Variants in CERT1 observed in about 807,000 individuals in gnomAD.
CERT1 encodes the protein ceramide transporter 1, also known as ceramide transfer protein.
A neutral mutation model predicts 87.9 loss-of-function variants in CERT1; 31 were observed. That is an observed-to-expected ratio of 0.35 (90% CI 0.27 to 0.48). The LOEUF (loss-of-function observed/expected upper bound fraction) is 0.48. CERT1 is among the 20% of genes least tolerant of loss of function. CERT1 has a pLI of 0.99. For synonymous variants in CERT1, 289 were observed against 250.9 expected, an observed-to-expected ratio of 1.15 and a Z score of -1.44; for missense variants, 487 against 758.0, an observed-to-expected ratio of 0.64 and a Z score of 4.20.
At chr5:75,449,780 T>C (rs940782087) in intron 3 of CERT1, among the ~76,000 whole-genome samples, 4 of 152,250 alleles carry the variant, frequency 2.6e-5, no homozygotes, top group Non-Finnish European at 5.9e-5. Flanking sequence ...ATTTTTCTGA[T>C]GATTAATAGC....
intron 2 of CERT1, among the ~76,000 whole-genome samples, chr5:75,480,148 C>A (rs937510622): frequency 6.6e-6 from 1 of 152,168 alleles, no homozygotes; most frequent in Non-Finnish European, 1.5e-5. Context: ...TGAGGGACCA[C>A]TATCTATGTC....
chr5:75,396,689 A>G (rs935001920), intron 11 of CERT1, among the ~76,000 whole-genome samples: 1 of 147,302 alleles, frequency 6.8e-6, no homozygotes, highest in African/African-American at 2.6e-5. Flanking sequence ...AGATCGTACC[A>G]TTGCACTCCA....
At chr5:75,482,106 T>C (rs1366194689) in intron 2 of CERT1, among the ~76,000 whole-genome samples, 1 of 152,208 alleles carries the variant, frequency 6.6e-6, no homozygotes, top group African/African-American at 2.4e-5. Flanking sequence ...AGATGGGCTC[T>C]TGGGGTCCCA....
intron 14 of CERT1, among the ~76,000 whole-genome samples, chr5:75,384,108 T>A (rs1198971568): frequency 6.6e-6 from 1 of 152,202 alleles, no homozygotes; most frequent in African/African-American, 2.4e-5. Flanking sequence ...TTACCCTTAT[T>A]GTTGTTGTCA....
intron 8 of CERT1, among the ~76,000 whole-genome samples, chr5:75,405,957 T>C (rs1405852376): frequency 6.6e-6 from 1 of 151,880 alleles, no homozygotes; most frequent in African/African-American, 2.4e-5. Context: ...TGCCTCTCTA[T>C]TCCTCCTGCT....
intron 11 of CERT1, 54 bp from the exon 12 acceptor site, chr5:75,389,741 A>G: frequency 7.4e-7 from 1 of 1,358,416 alleles, no homozygotes; most frequent in Non-Finnish European, 1.1e-6. Flanking sequence ...CATAATCTCT[A>G]AAACAGAATG....
chr5:75,419,475 T>A (rs1246801887), intron 5 of CERT1, 51 bp from the exon 6 acceptor site: 2 of 1,228,976 alleles, frequency 1.6e-6, no homozygotes. Context: ...TAGAAATTAA[T>A]GTCTATTCTT....
chr5:75,408,333 CATAT>C (rs1209784045), intron 8 of CERT1, among the ~76,000 whole-genome samples: 4 of 152,158 alleles, frequency 2.6e-5, no homozygotes, highest in Non-Finnish European at 1.5e-5. Flanking sequence ...TACAGGTAGA[CATAT>C]AGCTTAGAAG....
At chr5:75,423,550 G>A (rs1261079059) in intron 5 of CERT1, among the ~76,000 whole-genome samples, 3 of 152,114 alleles carry the variant, frequency 2.0e-5, no homozygotes, top group African/African-American at 7.2e-5. Context: ...AGACCAGCCT[G>A]GGCCACATAG....
At chr5:75,411,608 G>A (rs1371376876) in intron 7 of CERT1, among the ~76,000 whole-genome samples, 2 of 151,968 alleles carry the variant, frequency 1.3e-5, no homozygotes, top group African/African-American at 4.8e-5. Context: ...CACTGCACCC[G>A]GCCACAACCT....
intron 1 of CERT1, among the ~76,000 whole-genome samples, chr5:75,509,725 A>C (rs1177656516): frequency 6.6e-6 from 1 of 152,190 alleles, no homozygotes; most frequent in Non-Finnish European, 1.5e-5. Flanking sequence ...TCAGCTTCCC[A>C]TCTTATGAGC....
At chr5:75,449,551 A>T (rs576485313) in intron 3 of CERT1, among the ~76,000 whole-genome samples, 52 of 152,208 alleles carry the variant, frequency 3.4e-4, no homozygotes, top group Non-Finnish European at 6.2e-4. Flanking sequence ...GAGAGCTTCA[A>T]ATTTTCAATA....
downstream of CERT1, chr5:75,374,495 CA>C: frequency 2.8e-6 from 2 of 721,698 alleles, no homozygotes; most frequent in Non-Finnish European, 5.1e-6. Flanking sequence ...ATGGTTGTGC[CA>C]AAAAGGGCCA....
intron 11 of CERT1, among the ~76,000 whole-genome samples, chr5:75,396,400 C>T (rs1314634476): frequency 3.3e-5 from 5 of 152,102 alleles, no homozygotes; most frequent in Non-Finnish European, 7.4e-5. Flanking sequence ...CCATATCAAG[C>T]GCTGTGGAGT....
intron 8 of CERT1, among the ~76,000 whole-genome samples, chr5:75,405,602 A>G (rs978746410): frequency 1.1e-4 from 17 of 152,058 alleles, no homozygotes; most frequent in East Asian, 1.9e-4. Flanking sequence ...CCCTCATTCA[A>G]TCATCACACC....
At chr5:75,372,884 G>C (rs1761133854), downstream of CERT1, 1 of 152,184 alleles carries the variant, frequency 6.6e-6, no homozygotes, top group Non-Finnish European at 1.5e-5. Context: ...AGTCAGCAAA[G>C]CATCTACAAA....
chr5:75,501,832 A>G (rs1017634394), intron 2 of CERT1, among the ~76,000 whole-genome samples: 2 of 152,148 alleles, frequency 1.3e-5, no homozygotes, highest in Non-Finnish European at 2.9e-5. Flanking sequence ...CTTAAACTAA[A>G]ATAACTTCCA....
intron 2 of CERT1, chr5:75,505,539 C>T (rs1767613079): frequency 6.6e-6 from 1 of 152,358 alleles, no homozygotes; most frequent in Non-Finnish European, 1.5e-5. Flanking sequence ...GTGTGAGGAA[C>T]ATGAGAACAG....
At chr5:75,454,145 A>C (rs1004240675) in intron 3 of CERT1, among the ~76,000 whole-genome samples, 14 of 152,196 alleles carry the variant, frequency 9.2e-5, no homozygotes, top group African/African-American at 3.4e-4. Context: ...CTATTGTTTT[A>C]TCATGGATAG....
Sources: gnomAD v4.1 joint callset for allele counts (sites outside exome capture counted in the v4.1 genomes callset) on GRCh38, gnomAD v4.1.1 for gene constraint, MANE v1.5 for transcripts, NCBI Gene and HGNC (gene_info 2026-07-23, HGNC 2026-07-21) for gene names.